The following PEBP4 variants were observed in gnomAD, a reference collection of about 807,000 sequenced individuals.
PEBP4 encodes the protein phosphatidylethanolamine-binding protein 4.
In PEBP4, 22 loss-of-function variants were observed where a neutral mutation model predicts 23.9. The observed-to-expected ratio is 0.92, with a 90% CI of 0.66 to 1.31. PEBP4 has a LOEUF of 1.31. Ranked by LOEUF, PEBP4 falls within the 40% of genes most tolerant of loss-of-function variation. PEBP4 has a pLI of 0.00. For missense variants in PEBP4, 324 were observed against 281.7 expected (o/e 1.15, Z -1.07); for synonymous variants, 112 against 99.3 (o/e 1.13, Z -0.76).
At chr8:22,915,505 T>C (rs1471364737) in intron 3 of PEBP4, among the ~76,000 whole-genome samples, 8 of 152,094 alleles carry the variant, frequency 5.3e-5, no homozygotes, top group Non-Finnish European at 8.8e-5. Flanking sequence ...CCGCTACCTG[T>C]CTATCTCCCC....
chr8:22,853,057 A>G (rs1466163924), intron 3 of PEBP4, among the ~76,000 whole-genome samples: 3 of 152,236 alleles, frequency 2.0e-5, no homozygotes, highest in Admixed American at 2.0e-4. Context: ...ACTCACCTCC[A>G]GCCCCCATCT....
intron 2 of PEBP4, among the ~76,000 whole-genome samples, chr8:22,926,633 A>G (rs973491991): frequency 6.6e-6 from 1 of 152,220 alleles, no homozygotes; most frequent in Admixed American, 6.5e-5. Context: ...CATGTGAGCC[A>G]CTTCACCCAA....
rs140900653 is a variant in PEBP4, at chr8:22,897,027, ATGTG to A, written c.258+23153_258+23156del. Among the ~76,000 whole-genome samples the A allele has an allele frequency of 1.3e-3, 195 of 149,112 alleles. 1 individual carries two copies. Among genetic ancestry groups the A allele is most frequent in the Admixed American group, 2.3e-3 (35 of 14,896 alleles). On this transcript the variant is annotated intron_variant, in intron 3 of 6. Transcript: ENST00000256404. ...TATATATACACATATATCTGTGTGT[ATGTG>A]TGTGTGTGTGTGTGTATGTATATAT... is the stretch of plus-strand genomic sequence containing the variant.
chr8:22,814,364 G>A (rs927735452), intron 4 of PEBP4, among the ~76,000 whole-genome samples: 11 of 152,148 alleles, frequency 7.2e-5, no homozygotes, highest in Admixed American at 2.0e-4. Context: ...ATTAATGCCC[G>A]GTCCCTACTG....
At chr8:22,755,940 C>G (rs1563205950) in intron 4 of PEBP4, 2 of 152,364 alleles carry the variant, frequency 1.3e-5, no homozygotes, top group East Asian at 3.9e-4. Flanking sequence ...GCTCCTGCTG[C>G]TGCCGTACAT....
chr8:22,888,800 C>T (rs544012759), intron 3 of PEBP4, among the ~76,000 whole-genome samples: 3 of 152,214 alleles, frequency 2.0e-5, no homozygotes, highest in Non-Finnish European at 2.9e-5. Flanking sequence ...CTGTCCAGCA[C>T]GCCACCAGGC....
chr8:22,831,588 T>C (rs1334240264), intron 3 of PEBP4, among the ~76,000 whole-genome samples: 1 of 152,122 alleles, frequency 6.6e-6, no homozygotes, highest in Non-Finnish European at 1.5e-5. Flanking sequence ...GAGGACATAG[T>C]AGCCTACAGG....
chr8:22,934,944 C>T (rs150984280), intron 1 of PEBP4, among the ~76,000 whole-genome samples: 4 of 151,900 alleles, frequency 2.6e-5, no homozygotes, highest in East Asian at 1.9e-4. Flanking sequence ...TACACAGTAA[C>T]GAAAAGAGAA....
At chr8:22,904,176 C>T (rs368622968) in intron 3 of PEBP4, among the ~76,000 whole-genome samples, 20 of 152,274 alleles carry the variant, frequency 1.3e-4, no homozygotes, top group African/African-American at 3.9e-4. Flanking sequence ...GGCTGCTTCC[C>T]GGCTCCCTGG....
intron 1 of PEBP4, among the ~76,000 whole-genome samples, chr8:22,940,490 C>CTTTTTT (rs761722562): frequency 0.045 from 4,902 of 109,956 alleles, 578 homozygotes; most frequent in African/African-American, 0.14. Context: ...ATGAATTTCT[C>CTTTTTT]TTTTTTTTTT....
intron 4 of PEBP4, among the ~76,000 whole-genome samples, chr8:22,779,621 G>T (rs1805878401): frequency 6.6e-6 from 1 of 152,216 alleles, no homozygotes. Flanking sequence ...CCTTTGGAAG[G>T]CTGGGTGGTG....
intron 6 of PEBP4, among the ~76,000 whole-genome samples, chr8:22,715,598 G>T (rs1422918343): frequency 1.3e-5 from 2 of 152,214 alleles, no homozygotes; most frequent in Non-Finnish European, 2.9e-5. Flanking sequence ...AATCCCCTGA[G>T]TCCAGAGCGA....
At chr8:22,834,738 G>A (rs745660748) in intron 3 of PEBP4, among the ~76,000 whole-genome samples, 5 of 152,188 alleles carry the variant, frequency 3.3e-5, no homozygotes, top group Non-Finnish European at 5.9e-5. Flanking sequence ...GCTGTCTTTT[G>A]TCCCCTCACT....
chr8:22,884,106 G>C (rs1391472186), intron 3 of PEBP4: 1 of 152,224 alleles, frequency 6.6e-6, no homozygotes, highest in Non-Finnish European at 1.5e-5. Flanking sequence ...CCAGTGAAGA[G>C]CCACGTAGAA....
intron 4 of PEBP4, among the ~76,000 whole-genome samples, chr8:22,791,652 G>A (rs778632498): frequency 1.3e-5 from 2 of 152,178 alleles, no homozygotes; most frequent in African/African-American, 2.4e-5. Flanking sequence ...CAAGGCAGCC[G>A]CGGAAGTGTA....
intron 3 of PEBP4, among the ~76,000 whole-genome samples, chr8:22,872,559 T>C (rs748389095): frequency 3.4e-4 from 52 of 152,320 alleles, no homozygotes; most frequent in Admixed American, 3.3e-4. Flanking sequence ...CGTGGAAAAA[T>C]GAAGAGGCAG....
chr8:22,924,549 C>T (rs1395915183), intron 2 of PEBP4: 3 of 554,612 alleles, frequency 5.4e-6, no homozygotes, highest in Non-Finnish European at 6.9e-6. Context: ...CTCGTGGATC[C>T]GCACTACAAC....
At chr8:22,851,774 G>A (rs954249861) in intron 3 of PEBP4, among the ~76,000 whole-genome samples, 4 of 152,104 alleles carry the variant, frequency 2.6e-5, no homozygotes, top group Non-Finnish European at 4.4e-5. Context: ...GGGAGTGTGT[G>A]TCAGCCCTGA....
chr8:22,800,313 G>C (rs1366077631), intron 4 of PEBP4, among the ~76,000 whole-genome samples: 1 of 151,952 alleles, frequency 6.6e-6, no homozygotes, highest in African/African-American at 2.4e-5. Flanking sequence ...TAAGAGTTGG[G>C]ACACCTTGAT....
Sources: allele counts gnomAD v4.1 joint callset (sites outside exome capture counted in the v4.1 genomes callset), GRCh38; gene constraint gnomAD v4.1.1; transcripts MANE v1.5; gene names NCBI Gene and HGNC (gene_info 2026-07-23, HGNC 2026-07-21).